Variants in NCOA2 observed in about 807,000 individuals in gnomAD.
The protein encoded by NCOA2 is class E basic helix-loop-helix protein 75.
A neutral mutation model predicts 145.1 loss-of-function variants in NCOA2; 21 were observed. That is an observed-to-expected ratio of 0.14 (90% CI 0.10 to 0.21). The LOEUF is 0.21. NCOA2 is among the 10% of genes least tolerant of loss of function. The pLI is 1.00. For missense variants in NCOA2, 1,472 were observed against 1,837.6 expected (o/e 0.80, Z 3.64); for synonymous variants, 619 against 637.5 (o/e 0.97, Z 0.44).
chr8:70,190,945 T>C (rs1685728827), intron 4 of NCOA2, among the ~76,000 whole-genome samples: 1 of 152,042 alleles, frequency 6.6e-6, no homozygotes, highest in Admixed American at 6.5e-5. Flanking sequence ...TCAAGGATCA[T>C]TTGTGGAGGA....
chr8:70,132,765 C>T (rs933156917), intron 15 of NCOA2, among the ~76,000 whole-genome samples: 5 of 152,178 alleles, frequency 3.3e-5, no homozygotes, highest in African/African-American at 1.2e-4. Flanking sequence ...GGCGTTTCGC[C>T]ATGTTACCCA....
intron 1 of NCOA2, among the ~76,000 whole-genome samples, chr8:70,400,381 TGA>T (rs1267689120): frequency 6.6e-6 from 1 of 152,068 alleles, no homozygotes; most frequent in African/African-American, 2.4e-5. Flanking sequence ...TCCATATGCT[TGA>T]GAGGTTTTTT....
Position 70,141,268 on chromosome 8 carries a change from G to C in NCOA2, c.2944C>G (p.Arg982Gly). 6.2e-7 allele frequency: 1 copy of C among 1,613,876 alleles called. No individual in the cohort carries two copies. The highest frequency in any genetic ancestry group is 8.5e-7 in the Non-Finnish European group (1 of 1,179,830). ...ATGGGGATGCTGGCTGCTGGGTTCC[G>C]AATCATACCTCCTTGGACTGGCCGG... ...MNRPVQGGMI[R>G]NPAASIPMRP... The change falls in exon 14 of 23, where the codon CGG (arginine) becomes GGG (glycine). Residue 982 changes from arginine (R) to glycine (G), a missense_variant. By Grantham distance (125) the Arg-to-Gly change is moderately radical. Around this residue, in one of 4 missense-constraint regions of NCOA2, gnomAD observed 953 missense variants for 1,062.1 expected, o/e 0.90. Coordinates refer to ENST00000452400, the MANE Select transcript of NCOA2 (RefSeq NM_006540.4).
In NCOA2 at chr8:70,156,095, A is replaced by G. The variant is rs745812570; in HGVS notation, c.2270T>C (p.Ile757Thr). Residue 757 changes from isoleucine (I) to threonine (T), a missense_variant, in exon 11 of 23, where the codon ATT (isoleucine) becomes ACT (threonine). Around this residue, in one of 4 missense-constraint regions of NCOA2, gnomAD observed 953 missense variants for 1,062.1 expected, o/e 0.90. Coordinates refer to ENST00000452400, the MANE Select transcript of NCOA2 (RefSeq NM_006540.4). Reference protein sequence around the residue: ...YLLDKDDTKDIGLPEITPKLE... With the variant: ...YLLDKDDTKDTGLPEITPKLE... ...TTTGGGGGTTATTTCTGGTAAACCA[A>G]TATCTTTAGTATCATCTTTATCTAG... is the stretch of plus-strand genomic sequence containing the variant. 32 of 1,613,964 alleles carry G rather than the reference A, an allele frequency of 2.0e-5. 1 individual carries two copies. The highest frequency in any genetic ancestry group is 1.6e-4 in the Middle Eastern group (1 of 6,062).
At chr8:70,410,628 T>C in the NCOA2 span, among the ~76,000 whole-genome samples, 1 of 152,216 alleles carries the variant, frequency 6.6e-6, no homozygotes, top group Non-Finnish European at 1.5e-5. Context: ...GCCGATGTTT[T>C]ATTCATGATA....
At chr8:70,390,787 A>G (rs1218559883) in intron 1 of NCOA2, among the ~76,000 whole-genome samples, 2 of 152,024 alleles carry the variant, frequency 1.3e-5, no homozygotes, top group African/African-American at 4.8e-5. Context: ...AATAATAAAT[A>G]AATACATACA....
chr8:70,405,222 G>A (rs1477657109), upstream of NCOA2, among the ~76,000 whole-genome samples: 1 of 151,994 alleles, frequency 6.6e-6, no homozygotes, highest in Non-Finnish European at 1.5e-5. Context: ...TGGGTGTACC[G>A]CCAATTTTAT....
intron 1 of NCOA2, among the ~76,000 whole-genome samples, chr8:70,322,723 A>G (rs1205869197): frequency 6.6e-6 from 1 of 152,188 alleles, no homozygotes; most frequent in Non-Finnish European, 1.5e-5. Context: ...AGTTTTTAAC[A>G]GAACAATATA....
upstream of NCOA2, among the ~76,000 whole-genome samples, chr8:70,405,156 A>G (rs1201588098): frequency 1.3e-5 from 2 of 152,232 alleles, no homozygotes; most frequent in African/African-American, 4.8e-5. Context: ...ATGTGAGCCC[A>G]GTTCTGGTGA....
intron 1 of NCOA2, among the ~76,000 whole-genome samples, chr8:70,348,972 G>A (rs1227378037): frequency 1.4e-5 from 2 of 142,884 alleles, no homozygotes; most frequent in East Asian, 2.3e-4. Flanking sequence ...TGGCATAGAA[G>A]AGAGGGAAAA....
chr8:70,197,268 A>G (rs1045683290), intron 4 of NCOA2, among the ~76,000 whole-genome samples: 2 of 152,204 alleles, frequency 1.3e-5, no homozygotes, highest in African/African-American at 4.8e-5. Flanking sequence ...ATCACTATAT[A>G]TCTACATCAA....
At chr8:70,280,189 A>AT (rs1361802164) in intron 2 of NCOA2, among the ~76,000 whole-genome samples, 2 of 152,336 alleles carry the variant, frequency 1.3e-5, no homozygotes, top group African/African-American at 4.8e-5. Context: ...AGTAGAAGCC[A>AT]TAACCCCTTG....
At chr8:70,332,044 T>C (rs568086812) in intron 1 of NCOA2, among the ~76,000 whole-genome samples, 19 of 152,302 alleles carry the variant, frequency 1.2e-4, no homozygotes, top group Non-Finnish European at 2.6e-4. Context: ...GCAGTCACTA[T>C]GCGATGAGAG....
chr8:70,159,181 C>T (rs1252823425), intron 10 of NCOA2, among the ~76,000 whole-genome samples: 1 of 130,906 alleles, frequency 7.6e-6, no homozygotes, highest in Non-Finnish European at 1.6e-5. Flanking sequence ...ATACCTGATA[C>T]AGTGTAAATA....
At chr8:70,138,027 A>G (rs564753215) in intron 15 of NCOA2, 176 bp downstream of exon 15, 115 of 477,610 alleles carry the variant, frequency 2.4e-4, no homozygotes, top group Non-Finnish European at 3.7e-4. Context: ...AACTCCTTTA[A>G]AGGTATGTCC....
chr8:70,250,465 G>A (rs1411933390), intron 2 of NCOA2, among the ~76,000 whole-genome samples: 2 of 151,460 alleles, frequency 1.3e-5, no homozygotes, highest in Middle Eastern at 6.9e-3. Context: ...AGCTGTTCAG[G>A]AGGCTGAGGC....
chr8:70,407,257 T>C (rs1456668175), upstream of NCOA2, among the ~76,000 whole-genome samples: 1 of 152,240 alleles, frequency 6.6e-6, no homozygotes. Flanking sequence ...TGCTCTCTTC[T>C]AAATCCCTTA....
At position 70,169,339 on chromosome 8, in the gene NCOA2, A is replaced by G. The variant is rs145171137; in HGVS notation, c.541+863T>C. On this transcript the variant is annotated intron_variant, in intron 6 of 22. Transcript: ENST00000452400. ...TAGGCTAAGGCAGCGGCATCTGGTG[A>G]TCACACCTACAGGGCCCACTGGAGA... Among the ~76,000 whole-genome samples the G allele has an allele frequency of 2.8e-3, 428 of 152,324 alleles. 6 individuals are homozygous for G. The highest frequency in any genetic ancestry group is 9.9e-3 in the African/African-American group (413 of 41,584).
chr8:70,304,122 T>C (rs1039350836), intron 1 of NCOA2, among the ~76,000 whole-genome samples: 1 of 152,156 alleles, frequency 6.6e-6, no homozygotes, highest in African/African-American at 2.4e-5. Context: ...GACGAGCCTA[T>C]AAAACACTTC....
Sources: gnomAD v4.1 joint callset for allele counts (sites outside exome capture counted in the v4.1 genomes callset) on GRCh38, gnomAD v4.1.1 for gene constraint, gnomAD v4.1.1 regional missense constraint, MANE v1.5 for transcripts, NCBI Gene and HGNC (gene_info 2026-07-23, HGNC 2026-07-21) for gene names.